Variants in STK39 observed in about 807,000 individuals in gnomAD.
STK39 encodes STE20/SPS1-related proline-alanine-rich protein kinase.
Under a neutral mutation model 77.8 loss-of-function variants are expected in STK39, and 20 were observed. The observed-to-expected ratio is 0.26, with a 90% confidence interval of 0.18 to 0.37. STK39 has a LOEUF of 0.37. Among genes scored for constraint, STK39 ranks in the 10% least tolerant of loss-of-function variants. STK39 has a pLI of 1.00. For synonymous variants in STK39, 246 were observed against 234.1 expected (o/e 1.05, Z -0.47); for missense variants, 479 against 656.5 (o/e 0.73, Z 2.95).
intron 16 of STK39, among the ~76,000 whole-genome samples, chr2:167,977,530 G>A (rs1683309308): frequency 6.9e-6 from 1 of 144,528 alleles, no homozygotes; most frequent in Admixed American, 7.0e-5. Context: ...GGAATACCCA[G>A]AATTCATCTG....
At position 168,247,394 on chromosome 2, in the gene STK39, G is replaced by A. The variant is rs756679471; in HGVS notation, c.42C>T (p.Pro14=). The change falls in exon 1 of 18, where the codon CCC becomes CCT. Residue 14 remains proline, a synonymous_variant. Transcript: ENST00000355999. ...PSGSPVHVQL[P]QQAAPVTAAA... is the part of the protein sequence containing the mutation. ...CCGCTGTCACCGGGGCCGCCTGCTG[G>A]GGAAGCTGGACGTGCACGGGCGAGC... The A allele has an allele frequency of 8.5e-7, 1 of 1,169,868 alleles. No individual in the cohort carries two copies. Among genetic ancestry groups the A allele is most frequent in the Non-Finnish European group, 1.1e-6 (1 of 943,098 alleles). The allele number at this position is 1,169,868 out of a possible 1,614,324, so 72.5% of individuals were successfully genotyped here. A position where few individuals can be genotyped will look rare whatever the true frequency, so the allele number is the denominator to read the frequency against.
intron 8 of STK39, among the ~76,000 whole-genome samples, chr2:168,137,754 A>G (rs1687876536): frequency 6.6e-6 from 1 of 152,258 alleles, no homozygotes; most frequent in African/African-American, 2.4e-5. Context: ...ACAGTGAAGA[A>G]TATTAGCTCA....
chr2:168,178,364 G>A (rs959686592), intron 2 of STK39, among the ~76,000 whole-genome samples: 1 of 152,066 alleles, frequency 6.6e-6, no homozygotes, highest in African/African-American at 2.4e-5. Flanking sequence ...AAACATACAT[G>A]AAAATTCAAA....
intron 5 of STK39, among the ~76,000 whole-genome samples, chr2:168,155,995 G>A (rs904453108): frequency 7.2e-5 from 11 of 152,136 alleles, no homozygotes; most frequent in African/African-American, 2.7e-4. Context: ...GGAATGCTGC[G>A]ATGAACAACA....
chr2:168,066,204 A>G (rs1315537817), intron 12 of STK39, among the ~76,000 whole-genome samples: 3 of 152,222 alleles, frequency 2.0e-5, no homozygotes, highest in African/African-American at 7.2e-5. Flanking sequence ...TTCTTCCAAA[A>G]TAACTATGGT....
At chr2:168,050,426 T>G (rs566021835) in intron 14 of STK39, among the ~76,000 whole-genome samples, 6 of 152,248 alleles carry the variant, frequency 3.9e-5, no homozygotes, top group African/African-American at 1.4e-4. Flanking sequence ...AAAAAGGGAT[T>G]TGGTAGATGT....
At position 168,174,832 on chromosome 2, in the gene STK39, T is replaced by TAA. The variant is rs397869438; in HGVS notation, c.321+7144_321+7145dup. 5.1e-3 allele frequency among the ~76,000 whole-genome samples: 578 copies of TAA among 112,630 alleles called. 7 individuals carry two copies. Among genetic ancestry groups the TAA allele is most frequent in the African/African-American group, 0.015 (475 of 31,060 alleles). The allele number at this position is 112,630 out of a possible 152,430, so 73.9% of individuals were successfully genotyped here. ...GGCAACATAGCAAGACTTCATCTCT[T>TAA]AAAAAAAAAAAAAAAAAAAACACCC... On this transcript the variant is annotated intron_variant, in intron 2 of 17. Coordinates refer to ENST00000355999, the MANE Select transcript of STK39 (RefSeq NM_013233.3).
chr2:168,193,415 G>A (rs1052206157), intron 1 of STK39, among the ~76,000 whole-genome samples: 1 of 152,218 alleles, frequency 6.6e-6, no homozygotes, highest in African/African-American at 2.4e-5. Flanking sequence ...GAACACAAAT[G>A]TCCAGTGCAG....
chr2:168,225,140 A>ATTC (rs1690271936), intron 1 of STK39, among the ~76,000 whole-genome samples: 1 of 152,214 alleles, frequency 6.6e-6, no homozygotes, highest in Non-Finnish European at 1.5e-5. Flanking sequence ...GATACTTAAT[A>ATTC]GTGACCCTGA....
intron 14 of STK39, among the ~76,000 whole-genome samples, chr2:168,017,447 T>C (rs1226320722): frequency 2.2e-5 from 3 of 137,100 alleles, no homozygotes; most frequent in African/African-American, 9.3e-5. Context: ...TGCGATGGTG[T>C]GATCTCACTG....
Position 168,247,460 on chromosome 2 carries a change from A to T in STK39, c.-25T>A. On this transcript the variant is annotated 5_prime_UTR_variant, in exon 1 of 18. Coordinates refer to ENST00000355999, the MANE Select transcript of STK39 (RefSeq NM_013233.3). ...TGATGCTGCGGAGGAGAGCAGGAGG[A>T]CGCGCCGGCCGACGGACGACCTTCC... The T allele has an allele frequency of 7.7e-7, 1 of 1,303,722 alleles. No homozygotes were observed. The highest frequency in any genetic ancestry group is 1.5e-5 in the African/African-American group (1 of 64,582). 80.8% of individuals were successfully genotyped at this position (1,303,722 alleles called of 1,614,324 possible).
chr2:168,138,189 G>A lies in STK39; in HGVS notation c.873C>T (p.Pro291=), dbSNP rs1687887837. Reference sequence around the variant, plus strand: ...TATCCTCTACCCCTGTTTCCAAAGTGGGTGGATCATTTTGCAAAGTCAACA... The same window carrying A: ...TATCCTCTACCCCTGTTTCCAAAGTAGGTGGATCATTTTGCAAAGTCAACA... ...VLMLTLQNDP[P]TLETGVEDKE... The change falls in exon 8 of 18, where the codon CCC becomes CCT. Residue 291 remains proline (P), a synonymous_variant. Transcript: ENST00000355999. 6.2e-7 allele frequency: 1 copy of A among 1,613,496 alleles called. No individual in the cohort carries two copies. The highest frequency in any genetic ancestry group is 1.3e-5 in the African/African-American group (1 of 74,918).
At position 167,978,235 on chromosome 2, in the gene STK39, A is replaced by G. The variant is rs148854825; in HGVS notation, c.1499-13509T>C. Among the ~76,000 whole-genome samples the G allele has an allele frequency of 8.6e-3, 1,314 of 152,264 alleles. 18 individuals are homozygous for G. The highest frequency in any genetic ancestry group is 0.03 in the African/African-American group (1,251 of 41,536). ...AACCATAATTTCTAATCTTGTAGCT[A>G]ATATGTTAATCCTACAAAGGCAGAT... On this transcript the variant is annotated intron_variant, in intron 16 of 17. Coordinates refer to ENST00000355999, the MANE Select transcript of STK39 (RefSeq NM_013233.3).
intron 5 of STK39, among the ~76,000 whole-genome samples, chr2:168,146,013 C>A (rs1017158106): frequency 5.3e-5 from 8 of 152,188 alleles, no homozygotes; most frequent in African/African-American, 1.9e-4. Context: ...CTTACTCTTG[C>A]ATGAACAGAA....
rs562222121 is a variant in STK39, at chr2:168,202,205, C to A, written c.209-20115G>T. 9.8e-5 allele frequency among the ~76,000 whole-genome samples: 15 copies of A among 152,316 alleles called. No homozygotes were observed. In the East Asian group the frequency reaches 2.9e-3, roughly 29 times the overall value. ...TAAACAGAATGTCTAGGGATGCAAC[C>A]TGAGGACATACAAGTATAACAAGCT... On this transcript the variant is annotated intron_variant, in intron 1 of 17. Transcript: ENST00000355999.
At chr2:168,157,078 C>T (rs1280913715) in intron 5 of STK39, among the ~76,000 whole-genome samples, 1 of 152,150 alleles carries the variant, frequency 6.6e-6, no homozygotes, top group Non-Finnish European at 1.5e-5. Flanking sequence ...TAATGGATAA[C>T]GCCTAAGTGA....
chr2:168,147,246 G>GT (rs949628155), intron 5 of STK39, among the ~76,000 whole-genome samples: 1 of 152,102 alleles, frequency 6.6e-6, no homozygotes, highest in Non-Finnish European at 1.5e-5. Context: ...CCCAGTTGTT[G>GT]TTTTTTTCTC....
chr2:168,121,950 C>T (rs998066906), intron 10 of STK39, among the ~76,000 whole-genome samples: 1 of 152,222 alleles, frequency 6.6e-6, no homozygotes, highest in Non-Finnish European at 1.5e-5. Flanking sequence ...GTTTCCAGAC[C>T]AGGCATAGAG....
chr2:168,135,229 A>G (rs1185931022), intron 8 of STK39, among the ~76,000 whole-genome samples: 3 of 152,166 alleles, frequency 2.0e-5, no homozygotes, highest in Admixed American at 6.5e-5. Context: ...ATTGCATAAA[A>G]GTTTCAACAA....
Sources: allele counts gnomAD v4.1 joint callset (sites outside exome capture counted in the v4.1 genomes callset), GRCh38; gene constraint gnomAD v4.1.1; transcripts MANE v1.5; gene names NCBI Gene and HGNC (gene_info 2026-07-23, HGNC 2026-07-21).